Variants in DGKI observed in about 807,000 individuals in gnomAD.
DGKI encodes the protein DAG kinase iota.
Under a neutral mutation model 147.5 loss-of-function variants are expected in DGKI, and 55 were observed. The ratio of observed to expected loss-of-function variants is 0.37; its 90% CI spans 0.30 to 0.47. DGKI has a LOEUF of 0.47. DGKI is among the 20% of genes least tolerant of loss of function. DGKI has a pLI of 1.00. For synonymous variants in DGKI, 469 were observed against 477.1 expected (o/e 0.98, Z 0.22); for missense variants, 1,007 against 1,323.8 (o/e 0.76, Z 3.71).
intron 12 of DGKI, among the ~76,000 whole-genome samples, chr7:137,596,698 A>C (rs1420945771): frequency 6.6e-6 from 1 of 152,212 alleles, no homozygotes; most frequent in Non-Finnish European, 1.5e-5. Flanking sequence ...ATTTTTCCCA[A>C]CTGAACATTG....
At chr7:137,407,794 A>G in intron 30 of DGKI, 81 bp downstream of exon 30, 1 of 1,558,634 alleles carries the variant, frequency 6.4e-7, no homozygotes, top group South Asian at 1.2e-5. Context: ...AACTGCCTGG[A>G]TGAAGGGTAA....
At chr7:137,477,068 T>C (rs1354347704) in intron 23 of DGKI, among the ~76,000 whole-genome samples, 1 of 152,208 alleles carries the variant, frequency 6.6e-6, no homozygotes, top group Non-Finnish European at 1.5e-5. Flanking sequence ...CTTACACAGA[T>C]GTCAAACTAA....
Position 137,619,840 on chromosome 7 carries a change from T to C in DGKI, c.977A>G (p.Lys326Arg), listed in dbSNP as rs1450867923. Residue 326 changes from lysine (K) to arginine (R), a missense_variant, in exon 8 of 33, where the codon AAG becomes AGG. By Grantham distance (26) the Lys-to-Arg change is conservative (BLOSUM62 2). Transcript: ENST00000614521. ...AVIVPPTWII[K>R]VKKPQNSLKA... ...GGCAGTTACCTGAGGTTTCTTCACC[T>C]TAATGATCCAAGTGGGCGGGACAAT... The C allele has an allele frequency of 4.3e-6, 7 of 1,613,810 alleles. No individual in the cohort carries two copies. In the South Asian group the frequency reaches 4.4e-5, roughly 10 times the overall value.
In DGKI at chr7:137,464,023, T is replaced by C. The variant is rs1814553914; in HGVS notation, c.2613-412A>G. Among the ~76,000 whole-genome samples the C allele has an allele frequency of 2.0e-5, 3 of 152,084 alleles. No homozygotes were observed. The South Asian group carries it at 6.2e-4, about 32-fold the overall frequency. ...CCTGGTGGATTTTCAGGCTACTTTA[T>C]TTTTGGAGCTAGAGCTAACAGAGGT... is the stretch of plus-strand genomic sequence containing the variant. On this transcript the variant is annotated intron_variant, in intron 26 of 32. Coordinates refer to ENST00000614521, the MANE Select transcript of DGKI (RefSeq NM_001321708.2).
At chr7:137,401,146 T>C (rs920186046) in intron 30 of DGKI, among the ~76,000 whole-genome samples, 20 of 152,136 alleles carry the variant, frequency 1.3e-4, no homozygotes, top group Admixed American at 4.6e-4. Context: ...TGACTTTTAG[T>C]GTAGAAACAA....
chr7:137,721,141 A>G (rs998813583), intron 1 of DGKI, among the ~76,000 whole-genome samples: 5 of 152,176 alleles, frequency 3.3e-5, no homozygotes, highest in African/African-American at 1.2e-4. Flanking sequence ...GAATTAATTT[A>G]TCAGTTGTGC....
chr7:137,493,808 A>G, intron 21 of DGKI: 1 of 702,040 alleles, frequency 1.4e-6, no homozygotes, highest in Non-Finnish European at 2.6e-6. Flanking sequence ...CTAGTTCCCC[A>G]GCAATGGTTC....
chr7:137,570,257 C>T (rs1489763092), intron 19 of DGKI, among the ~76,000 whole-genome samples: 2 of 152,100 alleles, frequency 1.3e-5, no homozygotes, highest in East Asian at 3.9e-4. Context: ...AACTGGTCCG[C>T]ACATCATTTA....
chr7:137,420,256 G>A (rs1050397440), intron 28 of DGKI, among the ~76,000 whole-genome samples: 25 of 152,152 alleles, frequency 1.6e-4, no homozygotes. Flanking sequence ...AAATCCCAAG[G>A]TATCATTCCT....
chr7:137,521,823 G>A, intron 21 of DGKI, 43 bp downstream of exon 21: 2 of 1,398,792 alleles, frequency 1.4e-6, no homozygotes, highest in Non-Finnish European at 2.0e-6. Flanking sequence ...AGAAGCTGAA[G>A]ATAGGCTGAT....
chr7:137,444,489 T>C (rs985887542), intron 27 of DGKI, among the ~76,000 whole-genome samples: 1 of 152,232 alleles, frequency 6.6e-6, no homozygotes, highest in African/African-American at 2.4e-5. Context: ...TGTCTGTAGA[T>C]ACAAAGAGAT....
At chr7:137,497,509 T>G (rs1031318699) in intron 21 of DGKI, among the ~76,000 whole-genome samples, 1 of 152,058 alleles carries the variant, frequency 6.6e-6, no homozygotes, top group Non-Finnish European at 1.5e-5. Context: ...ACTGTAGCAC[T>G]AGTCACAATA....
At chr7:137,540,484 A>T (rs928663668) in intron 20 of DGKI, among the ~76,000 whole-genome samples, 2 of 152,144 alleles carry the variant, frequency 1.3e-5, no homozygotes, top group African/African-American at 4.8e-5. Flanking sequence ...TGAATTTAGT[A>T]AGGCCAATAG....
At chr7:137,444,279 C>G (rs1445797510) in intron 27 of DGKI, among the ~76,000 whole-genome samples, 177 bp from the exon 28 acceptor site, 1 of 152,054 alleles carries the variant, frequency 6.6e-6, no homozygotes, top group Admixed American at 6.6e-5. Flanking sequence ...CCAACTCTTA[C>G]CTGGATTGGT....
At chr7:137,750,479 A>G (rs1402226279) in intron 1 of DGKI, among the ~76,000 whole-genome samples, 1 of 152,198 alleles carries the variant, frequency 6.6e-6, no homozygotes, top group East Asian at 1.9e-4. Flanking sequence ...ACTTGAATAA[A>G]TGAACAAAGA....
chr7:137,658,671 G>A (rs114028416), intron 3 of DGKI, among the ~76,000 whole-genome samples: 316 of 152,182 alleles, frequency 2.1e-3, no homozygotes, highest in African/African-American at 7.5e-3. Context: ...CACTGAAGAT[G>A]GAAGGAAGAT....
intron 1 of DGKI, among the ~76,000 whole-genome samples, chr7:137,800,618 G>A (rs938567052): frequency 3.9e-5 from 6 of 152,112 alleles, no homozygotes; most frequent in African/African-American, 1.4e-4. Context: ...AAATTACCTA[G>A]TCTCAGGTTT....
chr7:137,597,992 T>C lies in DGKI; in HGVS notation c.1251-85A>G. 4 of 1,235,704 alleles carry C rather than the reference T, an allele frequency of 3.2e-6. No homozygotes were observed. In the Admixed American group the frequency reaches 5.7e-5, roughly 18 times the overall value. 76.5% of individuals were successfully genotyped at this position (1,235,704 alleles called of 1,614,324 possible). A position where few individuals can be genotyped will look rare whatever the true frequency, so the allele number is the denominator to read the frequency against. On this transcript the variant is annotated intron_variant, in intron 11 of 32. Transcript: ENST00000614521. ...GAAAGCAGAGGACAACATGGGTAGG[T>C]AGGGGTGGTGTCCGCTGGAGAAAAT...
intron 8 of DGKI, among the ~76,000 whole-genome samples, chr7:137,612,819 C>A (rs188243720): frequency 1.3e-5 from 2 of 152,096 alleles, no homozygotes; most frequent in Non-Finnish European, 2.9e-5. Flanking sequence ...TAAAAGCATT[C>A]GCTTTGCAAG....
Sources: gnomAD v4.1 joint callset for allele counts (sites outside exome capture counted in the v4.1 genomes callset) on GRCh38, gnomAD v4.1.1 for gene constraint, MANE v1.5 for transcripts, NCBI Gene and HGNC (gene_info 2026-07-23, HGNC 2026-07-21) for gene names.